Variants in BCL9 observed in about 807,000 individuals in gnomAD.
BCL9 encodes the protein BCL9 transcription coactivator, also known as B-cell CLL/lymphoma 9 protein.
In BCL9, 25 loss-of-function variants were observed where a neutral mutation model predicts 88.5. The observed-to-expected ratio is 0.28, with a 90% confidence interval of 0.21 to 0.39. The LOEUF is 0.39. Among genes scored for constraint, BCL9 ranks in the 10% least tolerant of loss-of-function variants. The probability of loss-of-function intolerance (pLI) is 1.00; values close to 1 mark genes in which losing one functional copy is unlikely to be tolerated. For missense variants in BCL9, 1,817 were observed against 1,877.8 expected (o/e 0.97, Z 0.60); for synonymous variants, 711 against 673.3 (o/e 1.06, Z -0.87).
intron 1 of BCL9, among the ~76,000 whole-genome samples, chr1:147,568,304 A>T (rs587714215): frequency 6.6e-6 from 1 of 152,282 alleles, no homozygotes; most frequent in Admixed American, 6.5e-5. Context: ...AATCTTCCTA[A>T]TAAATGCCCT....
chr1:147,580,524 C>A (rs1553198507), intron 1 of BCL9, among the ~76,000 whole-genome samples: 1 of 152,142 alleles, frequency 6.6e-6, no homozygotes, highest in African/African-American at 2.4e-5. Context: ...AAGCATCGTG[C>A]ACAGTGGTTT....
intron 1 of BCL9, among the ~76,000 whole-genome samples, chr1:147,559,644 C>T (rs911169626): frequency 3.3e-5 from 5 of 152,156 alleles, no homozygotes; most frequent in Non-Finnish European, 4.4e-5. Flanking sequence ...ATTTTTACCT[C>T]ATTTTCCTGG....
chr1:147,611,719 G>T lies in BCL9; in HGVS notation c.-118G>T. 2.1e-6 allele frequency: 2 copies of T among 950,128 alleles called. No homozygotes were observed. Among genetic ancestry groups the T allele is most frequent in the East Asian group, 4.8e-5 (2 of 41,650 alleles). The allele number at this position is 950,128 out of a possible 1,614,324, so 58.9% of individuals were successfully genotyped here. A position where few individuals can be genotyped will look rare whatever the true frequency, so the allele number is the denominator to read the frequency against. The stretch of plus-strand genomic sequence containing the variant: ...GGCATACAGGCAGCGAGCGCTAAGG[G>T]ACGCACCCAGCAAGCAGTGGGCCAG... On this transcript the variant is annotated 5_prime_UTR_variant, in exon 4 of 10. Coordinates refer to ENST00000234739, the MANE Select transcript of BCL9 (RefSeq NM_004326.4).
Position 147,624,041 on chromosome 1 carries a change from G to C in BCL9, c.3363G>C (p.Gly1121=). The C allele has an allele frequency of 6.2e-7, 1 of 1,614,080 alleles. No individual in the cohort carries two copies. Among genetic ancestry groups the C allele is most frequent in the Non-Finnish European group, 8.5e-7 (1 of 1,179,986 alleles). The change falls in exon 10 of 10, where the codon GGG becomes GGC. Residue 1121 remains glycine, a synonymous_variant. Coordinates refer to ENST00000234739, the MANE Select transcript of BCL9 (RefSeq NM_004326.4). The surrounding 1 kb of genome is among the most constrained non-coding windows in gnomAD (Gnocchi z 4.4). ...TGATGTCACACAATCCTATCATGGGGCATGGGTCCCAGGAGCCACCGATGG... is the reference window on the plus strand; with the variant it reads ...TGATGTCACACAATCCTATCATGGGCCATGGGTCCCAGGAGCCACCGATGG... ...PGLMSHNPIM[G]HGSQEPPMVP...
chr1:147,551,810 T>G (rs1214555956), intron 1 of BCL9, among the ~76,000 whole-genome samples: 1 of 152,208 alleles, frequency 6.6e-6, no homozygotes, highest in African/African-American at 2.4e-5. Flanking sequence ...TTTCTTTTCT[T>G]TATAAATGAC....
At chr1:147,608,503 G>A (rs1180571211) in intron 3 of BCL9, among the ~76,000 whole-genome samples, 2 of 151,938 alleles carry the variant, frequency 1.3e-5, no homozygotes, top group African/African-American at 4.8e-5. Context: ...GAGAAAGTGG[G>A]CTATTTTTTG....
chr1:147,593,429 T>G (rs1239713598), intron 1 of BCL9, among the ~76,000 whole-genome samples: 4 of 152,168 alleles, frequency 2.6e-5, no homozygotes, highest in African/African-American at 9.7e-5. Context: ...AAGATTCCAC[T>G]CAGGTCTTAT....
chr1:147,556,453 T>C (rs1655119195), intron 1 of BCL9, among the ~76,000 whole-genome samples: 1 of 150,508 alleles, frequency 6.6e-6, no homozygotes. Flanking sequence ...TTATTTTTAT[T>C]TTTATTTTTA....
intron 4 of BCL9, among the ~76,000 whole-genome samples, chr1:147,612,137 G>C (rs1658038663): frequency 6.6e-6 from 1 of 152,102 alleles, no homozygotes; most frequent in Non-Finnish European, 1.5e-5. Context: ...GCACCTCCCT[G>C]CCAAAGCACA....
intron 1 of BCL9, among the ~76,000 whole-genome samples, chr1:147,554,315 T>C (rs587768161): frequency 8.2e-4 from 125 of 152,330 alleles, no homozygotes; most frequent in African/African-American, 2.9e-3. Flanking sequence ...CTCAAAGACA[T>C]ACAGGGATTT....
rs1553202831 is a variant in BCL9, at chr1:147,612,863, T to G, written c.54-20T>G. On this transcript the variant is annotated intron_variant, in intron 4 of 9. Coordinates refer to ENST00000234739, the MANE Select transcript of BCL9 (RefSeq NM_004326.4). ...GCTGTATCTGGTGTCTGATCTTCCTTTGTTATTTGTTTCTTTTAGTAGCCC... is the reference window on the plus strand; with the variant it reads ...GCTGTATCTGGTGTCTGATCTTCCTGTGTTATTTGTTTCTTTTAGTAGCCC... 2 of 1,610,574 alleles carry G rather than the reference T, an allele frequency of 1.2e-6. No individual in the cohort carries two copies. Among genetic ancestry groups the G allele is most frequent in the South Asian group, 1.1e-5 (1 of 90,912 alleles).
chr1:147,576,487 A>T (rs1408745435), intron 1 of BCL9, among the ~76,000 whole-genome samples: 1 of 152,232 alleles, frequency 6.6e-6, no homozygotes, highest in Non-Finnish European at 1.5e-5. Context: ...GAAATTCACT[A>T]CATAGAAACC....
chr1:147,551,791 G>A (rs1251774159), intron 1 of BCL9, among the ~76,000 whole-genome samples: 1 of 152,164 alleles, frequency 6.6e-6, no homozygotes, highest in East Asian at 1.9e-4. Context: ...CCAGACTCTA[G>A]CAAATAAATT....
intron 1 of BCL9, among the ~76,000 whole-genome samples, chr1:147,598,363 A>G (rs1657145870): frequency 6.6e-6 from 1 of 152,236 alleles, no homozygotes; most frequent in Admixed American, 6.5e-5. Context: ...ATGACAGAAG[A>G]CAAAGAGAAA....
chr1:147,623,554 C>T (rs968349411), intron 9 of BCL9, among the ~76,000 whole-genome samples: 5 of 152,260 alleles, frequency 3.3e-5, no homozygotes, highest in African/African-American at 9.6e-5. Context: ...ATGAGGAAGG[C>T]GAAACTCATT....
At chr1:147,612,857 C>T in intron 4 of BCL9, 26 bp from the exon 5 acceptor site, 1 of 1,609,084 alleles carries the variant, frequency 6.2e-7, no homozygotes, top group African/African-American at 1.3e-5. Context: ...GGTGTCTGAT[C>T]TTCCTTTGTT....
At chr1:147,592,023 A>AG (rs1553199973) in intron 1 of BCL9, among the ~76,000 whole-genome samples, 1 of 152,220 alleles carries the variant, frequency 6.6e-6, no homozygotes, top group Non-Finnish European at 1.5e-5. Flanking sequence ...GGTGCTTACT[A>AG]ATGCTTGACT....
chr1:147,595,809 A>G (rs1657022474), intron 1 of BCL9, among the ~76,000 whole-genome samples: 1 of 152,218 alleles, frequency 6.6e-6, no homozygotes, highest in Non-Finnish European at 1.5e-5. Context: ...AAATGGTTAA[A>G]GCATGTGGAA....
chr1:147,613,413 C>G (rs61838402), intron 5 of BCL9, among the ~76,000 whole-genome samples: 10,592 of 152,174 alleles, frequency 0.07, 727 homozygotes, highest in East Asian at 0.29. Context: ...GGAGTTCTTG[C>G]CCTTAAGGAT....
Sources: allele counts gnomAD v4.1 joint callset (sites outside exome capture counted in the v4.1 genomes callset), GRCh38; gene constraint gnomAD v4.1.1; non-coding constraint Gnocchi (gnomAD v3.1); transcripts MANE v1.5; gene names NCBI Gene and HGNC (gene_info 2026-07-23, HGNC 2026-07-21).